The following RCC1 variants were observed in gnomAD, a reference collection of about 807,000 sequenced individuals.
RCC1 encodes the protein regulator of chromosome condensation.
Under a neutral mutation model 44.4 loss-of-function variants are expected in RCC1, and 11 were observed. The ratio of observed to expected loss-of-function variants is 0.25; its 90% CI spans 0.16 to 0.41. RCC1 has a LOEUF of 0.41. Ranked by LOEUF, RCC1 falls within the 10% of genes least tolerant of loss-of-function variation. RCC1 has a pLI of 1.00. For synonymous variants in RCC1, 213 were observed against 216.5 expected (o/e 0.98, Z 0.14); for missense variants, 386 against 547.1 (o/e 0.71, Z 2.94).
At chr1:28,510,446 A>T (rs1005695540) in intron 3 of RCC1, 4 of 152,168 alleles carry the variant, frequency 2.6e-5, no homozygotes, top group African/African-American at 9.7e-5. Flanking sequence ...AACGCGGTGA[A>T]ACCCTGTCTG....
Position 28,536,842 on chromosome 1 carries a change from C to T in RCC1, c.1033C>T (p.Pro345Ser), listed in dbSNP as rs766779148. ...CATACCCACCCTCATCTCCAGGCTG[C>T]CTGCTGTCTCCTCGGTGGCTTGTGG... is the stretch of plus-strand genomic sequence containing the variant. Reference protein sequence around the residue: ...KSIPTLISRLPAVSSVACGAS... With the variant: ...KSIPTLISRLSAVSSVACGAS... The change falls in exon 12 of 13, where the codon CCT (proline) becomes TCT (serine). Residue 345 changes from proline (P) to serine (S), a missense_variant. Pro to Ser is a moderately conservative substitution (Grantham distance 74). Transcript: ENST00000683442. The surrounding 1 kb of genome is among the most constrained non-coding windows in gnomAD (Gnocchi z 4.9). The T allele has an allele frequency of 1.2e-6, 2 of 1,614,162 alleles. No individual in the cohort carries two copies. Among genetic ancestry groups the T allele is most frequent in the South Asian group, 2.2e-5 (2 of 91,082 alleles).
At chr1:28,510,593 G>A (rs1284727398) in intron 3 of RCC1, 1 of 152,066 alleles carries the variant, frequency 6.6e-6, no homozygotes, top group African/African-American at 2.4e-5. Context: ...ACAGAGTTAA[G>A]TCTCAAAAAA....
At chr1:28,519,874 A>AT (rs79483058) in intron 4 of RCC1, among the ~76,000 whole-genome samples, 2,990 of 140,484 alleles carry the variant, frequency 0.021, 31 homozygotes, top group Non-Finnish European at 0.034. Context: ...CACCCGGCCA[A>AT]TTTTTTTTTT....
intron 1 of RCC1, chr1:28,506,362 C>A: frequency 2.6e-6 from 1 of 384,226 alleles, no homozygotes; most frequent in Non-Finnish European, 5.1e-6. Context: ...TTTTTGTATT[C>A]TTAGTGGAGA....
intron 7 of RCC1, among the ~76,000 whole-genome samples, chr1:28,533,109 C>G (rs1369907441): frequency 6.6e-6 from 1 of 152,134 alleles, no homozygotes; most frequent in African/African-American, 2.4e-5. Context: ...CCACCACACC[C>G]GGCCTGATGG....
At chr1:28,531,436 A>G (rs939916867) in intron 5 of RCC1, among the ~76,000 whole-genome samples, 1 of 151,552 alleles carries the variant, frequency 6.6e-6, no homozygotes, top group Non-Finnish European at 1.5e-5. Flanking sequence ...CTGGTCTCTT[A>G]ACTCCTGACC....
rs755564961 is a variant in RCC1 at position 28,535,839 on chromosome 1, G to A, written c.662-32G>A. On this transcript the variant is annotated intron_variant, in intron 9 of 12. Transcript: ENST00000683442. ...AGAGAGAAGCCATGTGTGTCTGTCT[G>A]TCACTGACCGTGGCTTTCCCTTTGC... The A allele has an allele frequency of 1.5e-5, 24 of 1,600,510 alleles. No homozygotes were observed. The South Asian group carries it at 2.7e-4, about 18-fold the overall frequency.
Position 28,535,035 on chromosome 1 carries a change from G to A in RCC1, c.442-15G>A. On this transcript the variant is annotated splice_polypyrimidine_tract_variant and intron_variant, in intron 7 of 12. Coordinates refer to ENST00000683442, the MANE Select transcript of RCC1 (RefSeq NM_001381865.2). ...GGCAGGACTGGCTGATAAGTGCCCTGTCCCTCCCTTCTAGGACAATAACGG... is the reference window on the plus strand; with the variant it reads ...GGCAGGACTGGCTGATAAGTGCCCTATCCCTCCCTTCTAGGACAATAACGG... 1.2e-6 allele frequency: 2 copies of A among 1,609,218 alleles called. No homozygotes were observed. The highest frequency in any genetic ancestry group is 1.7e-6 in the Non-Finnish European group (2 of 1,175,638).
intron 4 of RCC1, among the ~76,000 whole-genome samples, chr1:28,529,149 C>T (rs1381080110): frequency 7.2e-6 from 1 of 138,134 alleles, no homozygotes; most frequent in African/African-American, 2.7e-5. Context: ...TGCCAAAGTA[C>T]TGGGATTACA....
At chr1:28,529,736 T>C in intron 4 of RCC1, 122 bp from the exon 5 acceptor site, 1 of 721,752 alleles carries the variant, frequency 1.4e-6, no homozygotes, top group East Asian at 2.7e-5. Context: ...GGATACATTT[T>C]GAGAAGTGGA....
intron 12 of RCC1, among the ~76,000 whole-genome samples, chr1:28,537,359 A>G (rs1664617363): frequency 6.6e-6 from 1 of 152,214 alleles, no homozygotes; most frequent in Admixed American, 6.6e-5. Flanking sequence ...TGACCACCAA[A>G]GCCTGAGTGG....
At position 28,516,127 on chromosome 1, in the gene RCC1, G is replaced by A. The variant is rs142591221; in HGVS notation, c.-152-598G>A. ...GAACCCAGGAGGAAGAGGTTGCAGT[G>A]AGCTGAAATCGTGCCATTGCACTCT... On this transcript the variant is annotated intron_variant, in intron 3 of 12. Transcript: ENST00000683442. 5.1e-3 allele frequency among the ~76,000 whole-genome samples: 773 copies of A among 152,114 alleles called. 5 individuals carry two copies. Among genetic ancestry groups the A allele is most frequent in the African/African-American group, 0.017 (724 of 41,494 alleles).
intron 4 of RCC1, chr1:28,526,693 C>G: frequency 2.0e-6 from 1 of 497,442 alleles, no homozygotes; most frequent in Non-Finnish European, 3.6e-6. Flanking sequence ...TTCAGGAGTT[C>G]AAGACCAGCC....
rs1168443435 is a variant in RCC1 at position 28,533,845 on chromosome 1, C to CTTTT, written c.442-1158_442-1155dup. Among the ~76,000 whole-genome samples, 38 of 46,850 alleles carry CTTTT rather than the reference C, an allele frequency of 8.1e-4. 3 individuals are homozygous for CTTTT. The highest frequency in any genetic ancestry group is 1.1e-3 in the Non-Finnish European group (29 of 26,866). The allele number at this position is 46,850 out of a possible 152,430, so 30.7% of individuals were successfully genotyped here. On this transcript the variant is annotated intron_variant, in intron 7 of 12. Coordinates refer to ENST00000683442, the MANE Select transcript of RCC1 (RefSeq NM_001381865.2). ...ATATTTTTTTCTTTTCTTTTCTTTT[C>CTTTT]TTTTTTTTTTTTTTTTTTTTTTTTT...
chr1:28,535,956 C>G lies in RCC1; in HGVS notation c.747C>G (p.Ala249=). 1 of 1,614,122 alleles carries G rather than the reference C, an allele frequency of 6.2e-7. No homozygotes were observed. The highest frequency in any genetic ancestry group is 8.5e-7 in the Non-Finnish European group (1 of 1,180,020). The part of the protein sequence containing the change: ...HVRFQDAFCG[A]YFTFAISHEG... ...GATTCCAGGATGCCTTTTGTGGTGC[C>G]TATTTCACCTTTGCCATCTCCCATG... Residue 249 remains alanine, a synonymous_variant, in exon 10 of 13, where the codon GCC becomes GCG. Coordinates refer to ENST00000683442, the MANE Select transcript of RCC1 (RefSeq NM_001381865.2).
chr1:28,507,593 T>C lies in RCC1; in HGVS notation c.-261-535T>C, dbSNP rs373981713. On this transcript the variant is annotated intron_variant, in intron 1 of 12. Transcript: ENST00000683442. ...AGCCTTCTAGAGCACTGAATCTGGA[T>C]TGAAGTCTTTTTTTTTTTTTTTTTT... is the stretch of plus-strand genomic sequence containing the variant. 198 of 471,762 alleles carry C rather than the reference T, an allele frequency of 4.2e-4. 3 individuals carry two copies. Among genetic ancestry groups the C allele is most frequent in the Non-Finnish European group, 7.2e-4 (175 of 244,032 alleles). 29.2% of individuals were successfully genotyped at this position (471,762 alleles called of 1,614,324 possible). A position where few individuals can be genotyped will look rare whatever the true frequency, so the allele number is the denominator to read the frequency against.
At chr1:28,537,750 G>A (rs948112669) in intron 12 of RCC1, 82 bp from the exon 13 acceptor site, 22 of 1,420,698 alleles carry the variant, frequency 1.5e-5, no homozygotes, top group East Asian at 4.9e-5. Context: ...CACAGTCCAC[G>A]CCCATGTCCC....
At chr1:28,530,652 C>T (rs750237259) in intron 5 of RCC1, 7 of 1,538,306 alleles carry the variant, frequency 4.6e-6, no homozygotes, top group Non-Finnish European at 5.3e-6. Flanking sequence ...GTGCTGCCAG[C>T]GCGGGCTCCT....
intron 4 of RCC1, chr1:28,518,194 CTT>C (rs1252289460): frequency 1.3e-5 from 2 of 152,118 alleles, no homozygotes; most frequent in Non-Finnish European, 2.9e-5. Flanking sequence ...CCGCCGGGCT[CTT>C]TGTTTTCCTT....
Sources: allele counts gnomAD v4.1 joint callset (sites outside exome capture counted in the v4.1 genomes callset), GRCh38; gene constraint gnomAD v4.1.1; non-coding constraint Gnocchi (gnomAD v3.1); transcripts MANE v1.5; gene names NCBI Gene and HGNC (gene_info 2026-07-23, HGNC 2026-07-21).